Variants in NFIA observed in about 807,000 individuals in gnomAD.
NFIA encodes nuclear factor I A, also known as nuclear factor 1 A-type.
Under a neutral mutation model 62.8 loss-of-function variants are expected in NFIA, and 8 were observed. That is an observed-to-expected ratio of 0.13 (90% CI 0.07 to 0.23). The LOEUF is 0.23. Ranked by LOEUF, NFIA falls within the 10% of genes least tolerant of loss-of-function variation. NFIA has a pLI of 1.00. For synonymous variants in NFIA, 235 were observed against 238.1 expected (o/e 0.99, Z 0.12); for missense variants, 410 against 642.1 (o/e 0.64, Z 3.91).
intron 6 of NFIA, 107 bp from the exon 7 acceptor site, chr1:61,383,130 G>T (rs1664503088): frequency 1.4e-6 from 2 of 1,382,582 alleles, no homozygotes; most frequent in Admixed American, 4.0e-5. Context: ...TTCACAGGTG[G>T]ATTTCTCTTT....
chr1:61,327,103 ATATT>A, intron 3 of NFIA, among the ~76,000 whole-genome samples: 1 of 148,218 alleles, frequency 6.7e-6, no homozygotes, highest in Admixed American at 6.8e-5. Context: ...ATATAAATAT[ATATT>A]TATTATATAT....
At chr1:61,091,896 C>G (rs1646327371) in intron 2 of NFIA, among the ~76,000 whole-genome samples, 1 of 149,516 alleles carries the variant, frequency 6.7e-6, no homozygotes, top group South Asian at 2.2e-4. Flanking sequence ...GTAATGTAAT[C>G]AGATTCTAGA....
At chr1:61,192,693 A>C (rs1325957544) in intron 2 of NFIA, among the ~76,000 whole-genome samples, 1 of 147,340 alleles carries the variant, frequency 6.8e-6, no homozygotes, top group African/African-American at 2.6e-5. Context: ...ACGGAGCGAG[A>C]CTCTTGTCTC....
In NFIA at chr1:61,082,672, T is replaced by TTCTCTCTC. The variant is rs113913435; in HGVS notation, c.-102_-95dup. 2.1e-6 allele frequency: 3 copies of TTCTCTCTC among 1,445,744 alleles called. No homozygotes were observed. The highest frequency in any genetic ancestry group is 1.8e-6 in the Non-Finnish European group (2 of 1,083,248). 89.6% of individuals were successfully genotyped at this position (1,445,744 alleles called of 1,614,324 possible). A position where few individuals can be genotyped will look rare whatever the true frequency, so the allele number is the denominator to read the frequency against. On this transcript the variant is annotated 5_prime_UTR_variant, in exon 1 of 11. Coordinates refer to ENST00000403491, the MANE Select transcript of NFIA (RefSeq NM_001134673.4). ...AGGCTTGATTTTTTTTTCTCCCCCC[T>TTCTCTCTC]TCTCTCTCTCTCTCTCTCTCTCTCT...
intron 2 of NFIA, among the ~76,000 whole-genome samples, chr1:61,266,794 A>G (rs1657201152): frequency 6.6e-6 from 1 of 152,252 alleles, no homozygotes; most frequent in Non-Finnish European, 1.5e-5. Flanking sequence ...ATCTGCCAGT[A>G]AAAATGAGAC....
chr1:61,444,790 C>G (rs1190347195), intron 10 of NFIA, among the ~76,000 whole-genome samples: 1 of 152,072 alleles, frequency 6.6e-6, no homozygotes, highest in East Asian at 1.9e-4. Context: ...ACCATTCTTG[C>G]AAAATAAACA....
intron 2 of NFIA, among the ~76,000 whole-genome samples, chr1:61,147,034 A>G (rs954106925): frequency 9.2e-5 from 14 of 152,186 alleles, no homozygotes; most frequent in South Asian, 2.1e-4. Context: ...TTTCAGTTGA[A>G]TATAATTCTG....
chr1:61,286,300 C>T (rs1286007992), intron 3 of NFIA, among the ~76,000 whole-genome samples: 6 of 151,434 alleles, frequency 4.0e-5, no homozygotes, highest in Non-Finnish European at 7.4e-5. Flanking sequence ...TGGTTGCAGG[C>T]GCCTGTAGTC....
rs976386676 is a variant in NFIA, at chr1:61,458,801, C to T, written c.*3481C>T. On this transcript the variant is annotated 3_prime_UTR_variant, in exon 11 of 11. Transcript: ENST00000403491. The stretch of plus-strand genomic sequence containing the variant: ...CTACTGAAAAACCATTGTAAATGGA[C>T]GTTACAGGTATGCTGTATTTTTGAA... 1 of 150,310 alleles carries T rather than the reference C, an allele frequency of 6.7e-6. No individual in the cohort carries two copies. Among genetic ancestry groups the T allele is most frequent in the East Asian group, 2.0e-4 (1 of 5,092 alleles). 9.3% of individuals were successfully genotyped at this position (150,310 alleles called of 1,614,324 possible). A position where few individuals can be genotyped will look rare whatever the true frequency, so the allele number is the denominator to read the frequency against.
chr1:61,148,326 A>G (rs17121688), intron 2 of NFIA, among the ~76,000 whole-genome samples: 7,470 of 152,098 alleles, frequency 0.049, 474 homozygotes, highest in East Asian at 0.28. Flanking sequence ...AATACTCCAC[A>G]TTCTTTCCGG....
At chr1:61,308,339 T>C (rs1659914015) in intron 3 of NFIA, among the ~76,000 whole-genome samples, 1 of 152,070 alleles carries the variant, frequency 6.6e-6, no homozygotes, top group Non-Finnish European at 1.5e-5. Context: ...AGTAAATGAG[T>C]AGAAAAAAAT....
Position 61,406,542 on chromosome 1 carries a change from T to TGGGGGGGGGGGGGGGGGGGGGGGGGGGGG in NFIA, c.1255-19_1255-18insGGGGGGGGGGGGGGGGGGGGGGGGGGGGG. On this transcript the variant is annotated intron_variant, in intron 8 of 10. Transcript: ENST00000403491. ...TTCTTTTTCTTGTACGTGTGTTTTC[T>TGGGGGGGGGGGGGGGGGGGGGGGGGGGGG]GCCCCCCCCCCCCCCACAGCCCAAT... 7.2e-6 allele frequency: 9 copies of TGGGGGGGGGGGGGGGGGGGGGGGGGGGGG among 1,253,820 alleles called. No homozygotes were observed. The highest frequency in any genetic ancestry group is 7.5e-6 in the Non-Finnish European group (7 of 931,736). 77.7% of individuals were successfully genotyped at this position (1,253,820 alleles called of 1,614,324 possible). A position where few individuals can be genotyped will look rare whatever the true frequency, so the allele number is the denominator to read the frequency against.
At chr1:61,233,215 C>G (rs1654785617) in intron 2 of NFIA, among the ~76,000 whole-genome samples, 1 of 152,132 alleles carries the variant, frequency 6.6e-6, no homozygotes, top group Non-Finnish European at 1.5e-5. Flanking sequence ...AAATCTTATA[C>G]AGAAATTATT....
intron 10 of NFIA, among the ~76,000 whole-genome samples, chr1:61,441,329 G>GTC (rs1557441681): frequency 7.4e-4 from 109 of 146,494 alleles, no homozygotes; most frequent in African/African-American, 2.3e-3. Context: ...GTGTGTGTGT[G>GTC]TGTGTCTGTC....
chr1:61,281,765 G>A (rs997694945), intron 3 of NFIA, among the ~76,000 whole-genome samples: 1 of 152,024 alleles, frequency 6.6e-6, no homozygotes, highest in African/African-American at 2.4e-5. Flanking sequence ...AATAGAATCT[G>A]GCTTATTAAA....
intron 2 of NFIA, among the ~76,000 whole-genome samples, chr1:61,266,797 A>T (rs996889913): frequency 6.6e-6 from 1 of 152,250 alleles, no homozygotes; most frequent in African/African-American, 2.4e-5. Context: ...TGCCAGTAAA[A>T]ATGAGACAGA....
intron 2 of NFIA, among the ~76,000 whole-genome samples, chr1:61,194,774 CT>C (rs1337920344): frequency 6.6e-6 from 1 of 152,122 alleles, no homozygotes; most frequent in Non-Finnish European, 1.5e-5. Flanking sequence ...ATGCTGATCA[CT>C]TTTCTTTTTA....
At chr1:61,329,214 A>T (rs147956134) in intron 3 of NFIA, among the ~76,000 whole-genome samples, 2 of 124,744 alleles carry the variant, frequency 1.6e-5, no homozygotes, top group African/African-American at 3.0e-5. Flanking sequence ...TGCCTAGCTA[A>T]TTTTTTTTAT....
At chr1:61,336,772 T>C (rs1478432273) in intron 4 of NFIA, among the ~76,000 whole-genome samples, 1 of 152,148 alleles carries the variant, frequency 6.6e-6, no homozygotes, top group Non-Finnish European at 1.5e-5. Flanking sequence ...CTCTGACTGT[T>C]TTGCAGATTT....
Sources: allele counts gnomAD v4.1 joint callset (sites outside exome capture counted in the v4.1 genomes callset), GRCh38; gene constraint gnomAD v4.1.1; transcripts MANE v1.5; gene names NCBI Gene and HGNC (gene_info 2026-07-23, HGNC 2026-07-21).